Variants in TBCD observed in about 807,000 individuals in gnomAD.
TBCD encodes tubulin folding cofactor D, also known as tubulin-specific chaperone D.
Under a neutral mutation model 169.3 loss-of-function variants are expected in TBCD, and 105 were observed. The ratio of observed to expected loss-of-function variants is 0.62; its 90% CI spans 0.53 to 0.73. The LOEUF is 0.73. TBCD is among the 30% of genes least tolerant of loss of function. TBCD has a pLI of 0.00. For missense variants in TBCD, 1,444 were observed against 1,600.1 expected (o/e 0.90, Z 1.66); for synonymous variants, 700 against 643.9 (o/e 1.09, Z -1.32).
At chr17:82,773,070 C>T (rs138186451) in intron 6 of TBCD, among the ~76,000 whole-genome samples, 144 of 152,322 alleles carry the variant, frequency 9.5e-4, no homozygotes, top group African/African-American at 2.7e-3. Context: ...TATTTCTAAT[C>T]AGTATTTTAC....
Position 82,943,223 on chromosome 17 carries a change from C to CTTGGGT in TBCD, c.*763_*768dup, listed in dbSNP as rs1555676127. On this transcript the variant is annotated 3_prime_UTR_variant, in exon 39 of 39. Coordinates refer to ENST00000355528, the MANE Select transcript of TBCD (RefSeq NM_005993.5). ...TAGGAGAGCCTGGGCAGAGTCCACA[C>CTTGGGT]TTGGGTTTTTAGGCAAAGGGCAGGA... The CTTGGGT allele has an allele frequency of 5.3e-5, 8 of 152,262 alleles. No homozygotes were observed. The highest frequency in any genetic ancestry group is 1.5e-5 in the Non-Finnish European group (1 of 68,096). The allele number at this position is 152,262 out of a possible 1,614,324, so 9.4% of individuals were successfully genotyped here. A position where few individuals can be genotyped will look rare whatever the true frequency, so the allele number is the denominator to read the frequency against.
chr17:82,877,132 G>A (rs1230284922), intron 14 of TBCD, among the ~76,000 whole-genome samples: 1 of 152,214 alleles, frequency 6.6e-6, no homozygotes, highest in African/African-American at 2.4e-5. Flanking sequence ...ATTGGCTGGA[G>A]CCGGCGGCAA....
intron 13 of TBCD, among the ~76,000 whole-genome samples, chr17:82,855,070 C>T (rs554924916): frequency 4.6e-5 from 7 of 152,112 alleles, no homozygotes; most frequent in African/African-American, 9.6e-5. Context: ...GGCCTTCCTC[C>T]GCCTGCCAGC....
At chr17:82,904,359 A>G (rs2060091781) in intron 19 of TBCD, among the ~76,000 whole-genome samples, 1 of 151,140 alleles carries the variant, frequency 6.6e-6, no homozygotes, top group Non-Finnish European at 1.5e-5. Context: ...GGTGGCTTCC[A>G]TCTGCCACAC....
At chr17:82,798,828 G>A (rs1453677964) in intron 8 of TBCD, among the ~76,000 whole-genome samples, 1 of 152,100 alleles carries the variant, frequency 6.6e-6, no homozygotes, top group Admixed American at 6.6e-5. Flanking sequence ...CTGCAGCTTC[G>A]ACCTCCTGGG....
intron 13 of TBCD, among the ~76,000 whole-genome samples, chr17:82,846,807 G>A (rs920477038): frequency 1.4e-4 from 21 of 152,330 alleles, no homozygotes; most frequent in African/African-American, 4.3e-4. Context: ...TGAACAGAGC[G>A]CAGCTGAGAA....
chr17:82,801,616 G>A (rs1386771058), intron 9 of TBCD, among the ~76,000 whole-genome samples: 9 of 139,464 alleles, frequency 6.5e-5, no homozygotes, highest in Admixed American at 3.7e-4. Context: ...CGTGTGCGTC[G>A]TGTGGCTCAG....
intron 8 of TBCD, among the ~76,000 whole-genome samples, chr17:82,798,069 T>C (rs934222124): frequency 7.0e-6 from 1 of 143,482 alleles, no homozygotes; most frequent in Non-Finnish European, 1.5e-5. Context: ...CTCCGCGTCC[T>C]GGGTTCAAGC....
At chr17:82,931,417 C>T (rs926842668) in intron 33 of TBCD, among the ~76,000 whole-genome samples, 23 of 152,368 alleles carry the variant, frequency 1.5e-4, no homozygotes, top group African/African-American at 5.3e-4. Flanking sequence ...CCTTCGAGTC[C>T]GTGCCCCTGA....
At position 82,823,757 on chromosome 17, in the gene TBCD, A is replaced by G. The variant is rs182073792; in HGVS notation, c.1318+8823A>G. Among the ~76,000 whole-genome samples the G allele has an allele frequency of 2.6e-5, 4 of 152,336 alleles. No individual in the cohort carries two copies. The East Asian group carries it at 5.8e-4, about 22-fold the overall frequency. On this transcript the variant is annotated intron_variant, in intron 13 of 38. Coordinates refer to ENST00000355528, the MANE Select transcript of TBCD (RefSeq NM_005993.5). ...TATATAGTTCCATGGTTTTTAGAAT[A>G]TTCTATTATTACTTAGAAAATTGTG...
rs549568520 is a variant in TBCD, at chr17:82,782,998, G to T, written c.771+1277G>T. On this transcript the variant is annotated intron_variant, in intron 7 of 38. Transcript: ENST00000355528. The surrounding 1 kb of genome is among the most constrained non-coding windows in gnomAD (Gnocchi z 5.1). The stretch of plus-strand genomic sequence containing the variant: ...CTGTCCGCTGTGCCCTCCTGTCCGC[G>T]GCGTCGTCTTCCTGTCTGTGGTATC... Among the ~76,000 whole-genome samples the T allele has an allele frequency of 3.3e-5, 5 of 152,032 alleles. No homozygotes were observed. Among genetic ancestry groups the T allele is most frequent in the African/African-American group, 4.8e-5 (2 of 41,378 alleles).
chr17:82,875,531 C>T (rs531302014), intron 14 of TBCD, among the ~76,000 whole-genome samples: 4 of 152,346 alleles, frequency 2.6e-5, no homozygotes, highest in South Asian at 2.1e-4. Context: ...CAGGCAGCCA[C>T]GGGGCCCTCC....
chr17:82,854,965 C>T (rs2056125016), intron 13 of TBCD, among the ~76,000 whole-genome samples: 1 of 152,214 alleles, frequency 6.6e-6, no homozygotes, highest in Non-Finnish European at 1.5e-5. Flanking sequence ...GGCCACACCT[C>T]CTAACACCGT....
chr17:82,852,737 G>C (rs1177670619), intron 13 of TBCD, among the ~76,000 whole-genome samples: 1 of 152,208 alleles, frequency 6.6e-6, no homozygotes, highest in East Asian at 1.9e-4. Context: ...AGCCCACGAC[G>C]TACATGGAGG....
intron 24 of TBCD, chr17:82,921,021 C>G (rs2061392306): frequency 3.7e-6 from 1 of 269,434 alleles, no homozygotes; most frequent in South Asian, 5.0e-5. Context: ...GCCCCCCACA[C>G]TGGGCTGCCA....
chr17:82,825,826 G>A (rs1036160054), intron 13 of TBCD, among the ~76,000 whole-genome samples: 4 of 152,186 alleles, frequency 2.6e-5, no homozygotes, highest in Non-Finnish European at 5.9e-5. Context: ...AGGGCTGGGC[G>A]CCATGTCTCA....
At chr17:82,828,913 T>C (rs1039330758) in intron 13 of TBCD, among the ~76,000 whole-genome samples, 1 of 146,454 alleles carries the variant, frequency 6.8e-6, no homozygotes, top group Non-Finnish European at 1.5e-5. Context: ...TATGTACACA[T>C]GCACACCTAC....
At chr17:82,846,917 C>G (rs1395705003) in intron 13 of TBCD, among the ~76,000 whole-genome samples, 4 of 152,214 alleles carry the variant, frequency 2.6e-5, no homozygotes, top group Non-Finnish European at 5.9e-5. Flanking sequence ...CTAACATGGC[C>G]AAGCCCAGCT....
chr17:82,905,459 G>C (rs186005807), intron 19 of TBCD, among the ~76,000 whole-genome samples: 6 of 152,366 alleles, frequency 3.9e-5, no homozygotes, highest in Non-Finnish European at 8.8e-5. Flanking sequence ...GGGCGGGTGC[G>C]TGTGGGCGTC....
Sources: gnomAD v4.1 joint callset for allele counts (sites outside exome capture counted in the v4.1 genomes callset) on GRCh38, gnomAD v4.1.1 for gene constraint, Gnocchi (gnomAD v3.1) non-coding constraint, MANE v1.5 for transcripts, NCBI Gene and HGNC (gene_info 2026-07-23, HGNC 2026-07-21) for gene names.